Variants in MCTP1 observed in about 807,000 individuals in gnomAD.
MCTP1 encodes the protein multiple C2 and transmembrane domain-containing protein 1.
A neutral mutation model predicts 120.6 loss-of-function variants in MCTP1; 69 were observed. The observed-to-expected ratio is 0.57, with a 90% confidence interval of 0.47 to 0.70. The LOEUF (loss-of-function observed/expected upper bound fraction) is 0.70, where lower values mean the gene tolerates loss of function less well. Ranked by LOEUF, MCTP1 falls within the 30% of genes least tolerant of loss-of-function variation. The pLI is 0.00. For missense variants in MCTP1, 1,203 were observed against 1,248.8 expected (o/e 0.96, Z 0.55); for synonymous variants, 529 against 493.1 (o/e 1.07, Z -0.96).
chr5:95,218,470 C>T (rs1012064934), intron 1 of MCTP1, among the ~76,000 whole-genome samples: 2 of 152,100 alleles, frequency 1.3e-5, no homozygotes, highest in African/African-American at 2.4e-5. Flanking sequence ...GGTAATGGTA[C>T]ATTAAACACT....
At chr5:94,763,179 G>C (rs1224888496) in intron 19 of MCTP1, among the ~76,000 whole-genome samples, 4 of 152,078 alleles carry the variant, frequency 2.6e-5, no homozygotes, top group Non-Finnish European at 4.4e-5. Flanking sequence ...TCTACTTCAA[G>C]TCTCATTTCC....
chr5:95,169,712 G>C (rs1273868425), intron 1 of MCTP1, among the ~76,000 whole-genome samples: 1 of 152,112 alleles, frequency 6.6e-6, no homozygotes, highest in Non-Finnish European at 1.5e-5. Context: ...TCTGAGGGTA[G>C]TTTGTATTTC....
At chr5:94,870,011 CTGCAT>C in intron 16 of MCTP1, among the ~76,000 whole-genome samples, 2 of 152,180 alleles carry the variant, frequency 1.3e-5, no homozygotes, top group Admixed American at 6.5e-5. Context: ...TTACACACAC[CTGCAT>C]CATACCTGTG....
intron 1 of MCTP1, among the ~76,000 whole-genome samples, chr5:95,085,657 G>A (rs1172997145): frequency 6.6e-6 from 1 of 151,886 alleles, no homozygotes; most frequent in Non-Finnish European, 1.5e-5. Context: ...ACCTTTACTA[G>A]GTATTTCCAA....
chr5:94,771,325 T>A (rs1202976114), intron 19 of MCTP1, among the ~76,000 whole-genome samples: 1 of 152,194 alleles, frequency 6.6e-6, no homozygotes, highest in Non-Finnish European at 1.5e-5. Context: ...AGTGTAAATC[T>A]TCAGATTCTC....
intron 19 of MCTP1, among the ~76,000 whole-genome samples, chr5:94,762,627 T>G (rs1465887913): frequency 6.6e-6 from 1 of 152,202 alleles, no homozygotes; most frequent in African/African-American, 2.4e-5. Context: ...GGTACACAAG[T>G]TGCATTCCAA....
rs1561918973 is a variant in MCTP1 at position 94,954,169 on chromosome 5, C to CATATATATATATGCATATATATAT, written c.839-832_839-809dup. On this transcript the variant is annotated intron_variant, in intron 2 of 22. Transcript: ENST00000515393. ...ATACATATATATATGCATATATATA[C>CATATATATATATGCATATATATAT]ATATATATATATGCATATATATATA... is the stretch of plus-strand genomic sequence containing the variant. Among the ~76,000 whole-genome samples the CATATATATATATGCATATATATAT allele has an allele frequency of 1.5e-4, 12 of 80,016 alleles. 2 individuals are homozygous for CATATATATATATGCATATATATAT. The highest frequency in any genetic ancestry group is 3.1e-4 in the East Asian group (1 of 3,254). The allele number at this position is 80,016 out of a possible 152,430, so 52.5% of individuals were successfully genotyped here. A position where few individuals can be genotyped will look rare whatever the true frequency, so the allele number is the denominator to read the frequency against.
chr5:95,079,562 G>A (rs1183923410), intron 1 of MCTP1, among the ~76,000 whole-genome samples: 1 of 152,008 alleles, frequency 6.6e-6, no homozygotes, highest in Non-Finnish European at 1.5e-5. Context: ...TCATATAGCT[G>A]ATTTGTATAG....
chr5:94,931,831 A>G (rs1472135470), intron 6 of MCTP1, 122 bp downstream of exon 6: 2 of 752,004 alleles, frequency 2.7e-6, no homozygotes, highest in Non-Finnish European at 4.4e-6. Flanking sequence ...TTTATGGGGA[A>G]AAGTAACAAT....
At chr5:95,169,953 C>CTT (rs544448245) in intron 1 of MCTP1, among the ~76,000 whole-genome samples, 96 of 152,256 alleles carry the variant, frequency 6.3e-4, no homozygotes, top group African/African-American at 1.9e-3. Context: ...ATTCTGCTAG[C>CTT]TTTTGAATGT....
intron 1 of MCTP1, among the ~76,000 whole-genome samples, chr5:95,117,133 G>GA (rs1368402812): frequency 6.6e-6 from 1 of 151,704 alleles, no homozygotes; most frequent in Admixed American, 6.6e-5. Flanking sequence ...ACAAACATAT[G>GA]AAAAAAAAGC....
intron 1 of MCTP1, among the ~76,000 whole-genome samples, chr5:95,111,805 G>A (rs1346016324): frequency 1.1e-4 from 17 of 152,026 alleles, no homozygotes; most frequent in Admixed American, 1.1e-3. Flanking sequence ...CATCAGTTTT[G>A]TAGGAATATT....
chr5:95,198,127 G>GCA (rs1750598866), intron 1 of MCTP1, among the ~76,000 whole-genome samples: 1 of 151,856 alleles, frequency 6.6e-6, no homozygotes, highest in Non-Finnish European at 1.5e-5. Flanking sequence ...ACATATATAT[G>GCA]TGTGTGTATA....
At chr5:95,018,676 A>G (rs1016345449) in intron 1 of MCTP1, among the ~76,000 whole-genome samples, 1 of 151,960 alleles carries the variant, frequency 6.6e-6, no homozygotes, top group Non-Finnish European at 1.5e-5. Context: ...TGTTTCTATA[A>G]ATGATTCCTC....
rs183972746 is a variant in MCTP1 at position 95,157,538 on chromosome 5, G to A, written c.720+126318C>T. Among the ~76,000 whole-genome samples the A allele has an allele frequency of 2.3e-3, 345 of 152,178 alleles. 2 individuals carry two copies. The highest frequency in any genetic ancestry group is 8.0e-3 in the African/African-American group (332 of 41,508). ...CAGAAAACTTTAGCAACTTGTCCAT[G>A]GTCAGTGGTATAAATAAGGCTAAAG... On this transcript the variant is annotated intron_variant, in intron 1 of 22. Transcript: ENST00000515393.
chr5:94,809,420 T>C (rs1782997760), intron 17 of MCTP1, among the ~76,000 whole-genome samples: 1 of 151,992 alleles, frequency 6.6e-6, no homozygotes, highest in Non-Finnish European at 1.5e-5. Context: ...TGATAAGAAA[T>C]CCCTGCAATG....
chr5:94,763,272 T>C lies in MCTP1; in HGVS notation c.2610+15838A>G, dbSNP rs899355253. Among the ~76,000 whole-genome samples the C allele has an allele frequency of 2.6e-5, 4 of 152,212 alleles. No homozygotes were observed. The East Asian group carries it at 7.7e-4, about 29-fold the overall frequency. Reference sequence around the variant, plus strand: ...TCATAACAATTCTCTCCTTTAAAATTGTCTATGATTCCTCATTACTTGAAG... The same window carrying C: ...TCATAACAATTCTCTCCTTTAAAATCGTCTATGATTCCTCATTACTTGAAG... On this transcript the variant is annotated intron_variant, in intron 19 of 22. Transcript: ENST00000515393.
intron 1 of MCTP1, among the ~76,000 whole-genome samples, chr5:95,190,393 A>C (rs1232368455): frequency 6.6e-6 from 1 of 152,164 alleles, no homozygotes; most frequent in Non-Finnish European, 1.5e-5. Flanking sequence ...ATTCTGAGTC[A>C]GTTATCTAGT....
intron 2 of MCTP1, among the ~76,000 whole-genome samples, chr5:94,960,723 C>T (rs1279765877): frequency 1.3e-5 from 2 of 152,038 alleles, no homozygotes; most frequent in African/African-American, 4.8e-5. Flanking sequence ...CCCAATGACA[C>T]ACCATGTCAC....
Sources: allele counts gnomAD v4.1 joint callset (sites outside exome capture counted in the v4.1 genomes callset), GRCh38; gene constraint gnomAD v4.1.1; transcripts MANE v1.5; gene names NCBI Gene and HGNC (gene_info 2026-07-23, HGNC 2026-07-21).